Variants in WNT2B observed in about 807,000 individuals in gnomAD.
WNT2B encodes Wnt family member 2B.
A neutral mutation model predicts 40.5 loss-of-function variants in WNT2B; 19 were observed. That is an observed-to-expected ratio of 0.47 (90% confidence interval 0.33 to 0.69). The LOEUF (loss-of-function observed/expected upper bound fraction) is 0.69, where lower values mean the gene tolerates loss of function less well. Among genes scored for constraint, WNT2B ranks in the 30% least tolerant of loss-of-function variants. The pLI is 0.02. For synonymous variants in WNT2B, 220 were observed against 211.9 expected (o/e 1.04, Z -0.33); for missense variants, 467 against 556.4 (o/e 0.84, Z 1.62).
At chr1:112,475,294 C>A (rs562849164) in intron 1 of WNT2B, among the ~76,000 whole-genome samples, 1 of 152,112 alleles carries the variant, frequency 6.6e-6, no homozygotes, top group African/African-American at 2.4e-5. Context: ...TCCTCATCAG[C>A]AGAACTGCAG....
At chr1:112,476,037 C>T (rs1342750394) in intron 1 of WNT2B, among the ~76,000 whole-genome samples, 1 of 152,050 alleles carries the variant, frequency 6.6e-6, no homozygotes, top group Non-Finnish European at 1.5e-5. Flanking sequence ...CAATGATAGA[C>T]AATATTTTTG....
chr1:112,529,136 C>T lies in WNT2B; in HGVS notation c.*8627C>T. On this transcript the variant is annotated 3_prime_UTR_variant, in exon 5 of 5. Transcript: ENST00000369684. ...AGAAACAGAGTATTGAACTATGGGTCTGACCCAGTGTGGCACTGAGTGTGT... is the reference window on the plus strand; with the variant it reads ...AGAAACAGAGTATTGAACTATGGGTTTGACCCAGTGTGGCACTGAGTGTGT... 1 of 151,216 alleles carries T rather than the reference C, an allele frequency of 6.6e-6. No individual in the cohort carries two copies. The allele number at this position is 151,216 out of a possible 1,614,324, so 9.4% of individuals were successfully genotyped here.
chr1:112,486,437 T>C (rs900596122), intron 1 of WNT2B, among the ~76,000 whole-genome samples: 3 of 152,064 alleles, frequency 2.0e-5, no homozygotes, highest in Admixed American at 6.6e-5. Flanking sequence ...AGCCAGACCC[T>C]GTCTCAAAAA....
At chr1:112,502,305 C>A (rs543075994) in intron 1 of WNT2B, among the ~76,000 whole-genome samples, 1 of 152,278 alleles carries the variant, frequency 6.6e-6, no homozygotes, top group Non-Finnish European at 1.5e-5. Flanking sequence ...GGGCCGCGGC[C>A]CTGGGGCCCG....
chr1:112,497,202 CT>C (rs1651804140), intron 1 of WNT2B, among the ~76,000 whole-genome samples: 1 of 152,166 alleles, frequency 6.6e-6, no homozygotes. Context: ...GGTCTGAGGT[CT>C]CAGGGGTGGT....
rs1346423354 is a variant in WNT2B at position 112,525,410 on chromosome 1, G to A, written c.*4901G>A. The stretch of plus-strand genomic sequence containing the variant: ...TAGGGCAATAGCCAGTGGGGTGTCA[G>A]TAATATGCCCTGTCCCTGACCTCAA... On this transcript the variant is annotated 3_prime_UTR_variant, in exon 5 of 5. Transcript: ENST00000369684. The A allele has an allele frequency of 6.6e-6, 1 of 152,288 alleles. No individual in the cohort carries two copies. Among genetic ancestry groups the A allele is most frequent in the Non-Finnish European group, 1.5e-5 (1 of 68,154 alleles). The allele number at this position is 152,288 out of a possible 1,614,324, so 9.4% of individuals were successfully genotyped here.
chr1:112,469,142 A>G (rs1650795878), intron 1 of WNT2B, among the ~76,000 whole-genome samples: 1 of 152,134 alleles, frequency 6.6e-6, no homozygotes, highest in Non-Finnish European at 1.5e-5. Flanking sequence ...CTGAGTTTTC[A>G]ATTCTGTTCC....
rs1329987081 is a variant in WNT2B at position 112,524,272 on chromosome 1, T to C, written c.*3763T>C. 6.6e-6 allele frequency: 1 copy of C among 152,576 alleles called. No individual in the cohort carries two copies. Among genetic ancestry groups the C allele is most frequent in the Non-Finnish European group, 1.5e-5 (1 of 68,034 alleles). 9.5% of individuals were successfully genotyped at this position (152,576 alleles called of 1,614,324 possible). ...TTAGGATTTTTTTTTCCTCAGTCTT[T>C]CTGAGGTTTTTATTTAAATGCACTC... is the stretch of plus-strand genomic sequence containing the variant. On this transcript the variant is annotated 3_prime_UTR_variant, in exon 5 of 5. Coordinates refer to ENST00000369684, the MANE Select transcript of WNT2B (RefSeq NM_024494.3).
At chr1:112,512,903 A>G (rs1165857398) in intron 1 of WNT2B, among the ~76,000 whole-genome samples, 2 of 152,220 alleles carry the variant, frequency 1.3e-5, no homozygotes, top group Non-Finnish European at 2.9e-5. Flanking sequence ...TAATAGAGAC[A>G]TTTAATTATC....
chr1:112,494,234 C>A (rs1452551164), intron 1 of WNT2B, among the ~76,000 whole-genome samples: 1 of 151,202 alleles, frequency 6.6e-6, no homozygotes, highest in African/African-American at 2.5e-5. Context: ...CGTTTGAACC[C>A]GAGAAGCGGA....
intron 1 of WNT2B, among the ~76,000 whole-genome samples, chr1:112,469,506 G>C (rs1262257368): frequency 6.6e-6 from 1 of 151,958 alleles, no homozygotes; most frequent in Non-Finnish European, 1.5e-5. Flanking sequence ...CTTGAATTTT[G>C]TTCATCAGTT....
intron 1 of WNT2B, among the ~76,000 whole-genome samples, chr1:112,511,629 C>CT (rs1449604492): frequency 6.6e-6 from 1 of 152,210 alleles, no homozygotes; most frequent in Non-Finnish European, 1.5e-5. Context: ...CCCTTACTCT[C>CT]TAACCACTGC....
At chr1:112,479,924 G>A (rs1025521567) in intron 1 of WNT2B, among the ~76,000 whole-genome samples, 1 of 151,992 alleles carries the variant, frequency 6.6e-6, no homozygotes, top group African/African-American at 2.4e-5. Flanking sequence ...GTGTTAGCCA[G>A]GATGGTCTCA....
Position 112,509,874 on chromosome 1 carries a change from A to G in WNT2B, c.182+430A>G, listed in dbSNP as rs1371730212. Among the ~76,000 whole-genome samples the G allele has an allele frequency of 6.6e-6, 1 of 152,228 alleles. No homozygotes were observed. The highest frequency in any genetic ancestry group is 1.5e-5 in the Non-Finnish European group (1 of 68,032). ...GGAGAAAGGGGCAGCTCGCTAGTCT[A>G]GCCCACCCATACCACAGGAAGGCTT... On this transcript the variant is annotated intron_variant, in intron 1 of 4. Coordinates refer to ENST00000369684, the MANE Select transcript of WNT2B (RefSeq NM_024494.3). The surrounding 1 kb of genome is among the most constrained non-coding windows in gnomAD (Gnocchi z 4.2).
At chr1:112,507,822 G>A (rs912346769), upstream of WNT2B, among the ~76,000 whole-genome samples, 1 of 152,248 alleles carries the variant, frequency 6.6e-6, no homozygotes, top group Non-Finnish European at 1.5e-5. Flanking sequence ...AGCGACTGGA[G>A]CCAGATCCCA....
At chr1:112,497,857 T>A (rs1486622513) in intron 1 of WNT2B, among the ~76,000 whole-genome samples, 1 of 152,128 alleles carries the variant, frequency 6.6e-6, no homozygotes, top group Non-Finnish European at 1.5e-5. Context: ...AGCCATGTAG[T>A]ACCCCGAGCA....
intron 1 of WNT2B, chr1:112,467,643 T>C (rs1254675398): frequency 1.3e-6 from 1 of 761,910 alleles, no homozygotes; most frequent in South Asian, 1.4e-5. Context: ...AATTTTCTCC[T>C]TTTCTTCTCG....
intron 1 of WNT2B, among the ~76,000 whole-genome samples, chr1:112,468,798 T>C (rs1317940524): frequency 6.6e-6 from 1 of 152,190 alleles, no homozygotes; most frequent in African/African-American, 2.4e-5. Context: ...CATAGAAGTT[T>C]TTCCATTTAA....
chr1:112,516,150 G>A lies in WNT2B; in HGVS notation c.414G>A (p.Glu138=). 3 of 1,611,326 alleles carry A rather than the reference G, an allele frequency of 1.9e-6. No individual in the cohort carries two copies. The highest frequency in any genetic ancestry group is 1.7e-6 in the Non-Finnish European group (2 of 1,177,804). ...FGRVMLRSSR[E]AAFVYAISSA... ...CAATTCTCTCTCTAGGTAGCCGAGAGGCAGCTTTTGTATATGCCATCTCAT... is the reference window on the plus strand; with the variant it reads ...CAATTCTCTCTCTAGGTAGCCGAGAAGCAGCTTTTGTATATGCCATCTCAT... The change falls in exon 3 of 5, where the codon GAG becomes GAA. Residue 138 remains glutamate, a synonymous_variant. Transcript: ENST00000369684.
Sources: allele counts gnomAD v4.1 joint callset (sites outside exome capture counted in the v4.1 genomes callset), GRCh38; gene constraint gnomAD v4.1.1; non-coding constraint Gnocchi (gnomAD v3.1); transcripts MANE v1.5; gene names NCBI Gene and HGNC (gene_info 2026-07-23, HGNC 2026-07-21).